Variants in ERMAP observed in about 807,000 individuals in gnomAD.
The protein encoded by ERMAP is erythroid membrane-associated protein.
ERMAP carries 34 observed loss-of-function variants against 49.5 expected under a neutral mutation model. The ratio of observed to expected loss-of-function variants is 0.69; its 90% CI spans 0.52 to 0.91. ERMAP has a LOEUF of 0.91. ERMAP is among the 40% of genes least tolerant of loss of function. ERMAP has a pLI of 0.00. For missense variants in ERMAP, 541 were observed against 582.6 expected, an observed-to-expected ratio of 0.93 and a Z score of 0.74; for synonymous variants, 214 against 232.2, an observed-to-expected ratio of 0.92 and a Z score of 0.71.
At chr1:42,839,186 G>C (rs1192475222) in intron 8 of ERMAP, 4 of 562,748 alleles carry the variant, frequency 7.1e-6, no homozygotes, top group Non-Finnish European at 1.3e-5. Context: ...GAAGCCATCT[G>C]GAAGTCCCTT....
At chr1:42,823,775 A>G (rs1475438237) in intron 1 of ERMAP, among the ~76,000 whole-genome samples, 2 of 152,236 alleles carry the variant, frequency 1.3e-5, no homozygotes. Flanking sequence ...AAAGATGTGT[A>G]TCTAAGAGTT....
In ERMAP at chr1:42,830,475, C is replaced by G. The variant is rs1433570676; in HGVS notation, c.27C>G (p.Ser9=). ...TGGAGATGGCGAGTTCTGCTGGCTC[C>G]TGGCTCTCTGGCTGCCTCATCCCTC... MEMASSAG[S]WLSGCLIPLV... is the part of the protein sequence containing the mutation. Residue 9 remains serine (S), a synonymous_variant, in exon 3 of 12, where the codon TCC becomes TCG. Coordinates refer to ENST00000372517, the MANE Select transcript of ERMAP (RefSeq NM_001017922.2). The G allele has an allele frequency of 6.2e-7, 1 of 1,614,214 alleles. No individual in the cohort carries two copies. Among genetic ancestry groups the G allele is most frequent in the Non-Finnish European group, 8.5e-7 (1 of 1,180,030 alleles).
rs148797090 is a variant in ERMAP at position 42,818,294 on chromosome 1, T to C, written c.-122+1041T>C. On this transcript the variant is annotated intron_variant, in intron 1 of 11. Coordinates refer to ENST00000372517, the MANE Select transcript of ERMAP (RefSeq NM_001017922.2). ...GAGCACAATGCCCCAAAAAGACAAA[T>C]ACTGCATGTTTCCATTCATATGAAG... Among the ~76,000 whole-genome samples the C allele has an allele frequency of 9.6e-3, 1,466 of 152,188 alleles. 14 individuals carry two copies. The highest frequency in any genetic ancestry group is 0.014 in the Non-Finnish European group (981 of 67,994).
rs761433098 is a variant in ERMAP, at chr1:42,842,586, G to T, written c.782G>T (p.Arg261Met). Residue 261 changes from arginine to methionine, a missense_variant, in exon 12 of 12, where the codon AGG becomes ATG. Transcript: ENST00000372517. The stretch of plus-strand genomic sequence containing the variant: ...CTTTCTGAGGACCAAAGATGTGTAA[G>T]GCTTGGAGACAGACGGCAGCCTGTA... ...LILSEDQRCV[R>M]LGDRRQPVPD... 1 of 1,614,198 alleles carries T rather than the reference G, an allele frequency of 6.2e-7. No individual in the cohort carries two copies. The highest frequency in any genetic ancestry group is 1.7e-5 in the Admixed American group (1 of 60,024).
chr1:42,829,170 G>A (rs1654641037), intron 2 of ERMAP, among the ~76,000 whole-genome samples: 1 of 152,172 alleles, frequency 6.6e-6, no homozygotes. Flanking sequence ...CTAGTGCTAT[G>A]TTGTCATTTG....
At position 42,817,188 on chromosome 1, in the gene ERMAP, A is replaced by T. The variant is rs951472054; in HGVS notation, c.-187A>T. ...CCGACCAAGAGGCTTGGGAGTCTGT[A>T]CCTTTCCCGACCGGGCCACTGGAAG... On this transcript the variant is annotated 5_prime_UTR_variant, in exon 1 of 12. Coordinates refer to ENST00000372517, the MANE Select transcript of ERMAP (RefSeq NM_001017922.2). The T allele has an allele frequency of 6.4e-6, 8 of 1,249,464 alleles. No homozygotes were observed. The highest frequency in any genetic ancestry group is 8.2e-6 in the Non-Finnish European group (8 of 970,880). The allele number at this position is 1,249,464 out of a possible 1,614,324, so 77.4% of individuals were successfully genotyped here.
chr1:42,835,017 C>T lies in ERMAP; in HGVS notation c.434-21C>T, dbSNP rs758508663. The T allele has an allele frequency of 2.8e-5, 27 of 958,404 alleles. 1 individual carries two copies. Among genetic ancestry groups the T allele is most frequent in the South Asian group, 1.5e-4 (12 of 77,998 alleles). The allele number at this position is 958,404 out of a possible 1,614,324, so 59.4% of individuals were successfully genotyped here. ...TCTTAGACATCTCCCTGAGGTCAGT[C>T]GTTGGTGGTTTCTGTTTCAGCCCCA... On this transcript the variant is annotated intron_variant, in intron 4 of 11. Coordinates refer to ENST00000372517, the MANE Select transcript of ERMAP (RefSeq NM_001017922.2).
intron 4 of ERMAP, 96 bp downstream of exon 4, chr1:42,831,211 A>G: frequency 1.4e-6 from 2 of 1,412,604 alleles, no homozygotes; most frequent in South Asian, 2.8e-5. Flanking sequence ...CTTTTCTTTC[A>G]TCTGCAGTGT....
At chr1:42,834,279 T>G (rs1212373634) in intron 4 of ERMAP, among the ~76,000 whole-genome samples, 1 of 149,266 alleles carries the variant, frequency 6.7e-6, no homozygotes, top group African/African-American at 2.6e-5. Flanking sequence ...AGAAATTGCT[T>G]TGCCCCCGTG....
chr1:42,835,765 G>C lies in ERMAP; in HGVS notation c.583+1G>C, dbSNP rs371707071. ...CTCTATGAACATGTGACGGAGGTGG[G>C]TAAGTGTTCTTGGCTGGGGGGCAGG... On this transcript the variant is annotated splice_donor_variant, in intron 6 of 11. Transcript: ENST00000372517. LOFTEE classifies it high-confidence loss of function. 3.4e-5 allele frequency: 55 copies of C among 1,609,300 alleles called. No individual in the cohort carries two copies. The highest frequency in any genetic ancestry group is 4.6e-5 in the Non-Finnish European group (54 of 1,178,008).
In ERMAP at chr1:42,842,505, G is replaced by C; in HGVS notation, c.713-12G>C. The C allele has an allele frequency of 6.2e-7, 1 of 1,605,594 alleles. No homozygotes were observed. Among genetic ancestry groups the C allele is most frequent in the Non-Finnish European group, 8.5e-7 (1 of 1,175,362 alleles). Reference sequence around the variant, plus strand: ...ATACTTCCAAGCCTCACCTGTCTGTGTCTCTTTGCAGTGGCAGTGACCCTG... The same window carrying C: ...ATACTTCCAAGCCTCACCTGTCTGTCTCTCTTTGCAGTGGCAGTGACCCTG... On this transcript the variant is annotated splice_polypyrimidine_tract_variant and intron_variant, in intron 11 of 11. Transcript: ENST00000372517.
rs370086635 is a variant in ERMAP, at chr1:42,835,739, T to C, written c.558T>C (p.Leu186=). The part of the protein sequence containing the change: ...IWKQRRAKEK[L]LYEHVTEVDN... ...TTTCTCTCTCCCTTTTAGAAAAGCT[T>C]CTCTATGAACATGTGACGGAGGTGG... Residue 186 remains leucine, a synonymous_variant, in exon 6 of 12, where the codon CTT becomes CTC. Coordinates refer to ENST00000372517, the MANE Select transcript of ERMAP (RefSeq NM_001017922.2). The C allele has an allele frequency of 6.2e-7, 1 of 1,611,044 alleles. No individual in the cohort carries two copies. The highest frequency in any genetic ancestry group is 8.5e-7 in the Non-Finnish European group (1 of 1,178,728).
chr1:42,817,286 A>T, intron 1 of ERMAP, 33 bp downstream of exon 1: 1 of 1,215,682 alleles, frequency 8.2e-7, no homozygotes, highest in African/African-American at 1.6e-5. Flanking sequence ...CACTGGACCC[A>T]GCGCTGCCTG....
chr1:42,838,258 C>T (rs1654959016), intron 7 of ERMAP, among the ~76,000 whole-genome samples: 3 of 152,168 alleles, frequency 2.0e-5, no homozygotes, highest in Non-Finnish European at 4.4e-5. Flanking sequence ...CTGCATTGCT[C>T]CAATGCCTAA....
rs1654688847 is a variant in ERMAP at position 42,830,506 on chromosome 1, T to TTCC, written c.62_64dup (p.Leu21dup). 2.5e-6 allele frequency: 4 copies of TTCC among 1,614,160 alleles called. No homozygotes were observed. The highest frequency in any genetic ancestry group is 3.4e-6 in the Non-Finnish European group (4 of 1,180,000). On this transcript the variant is annotated inframe_insertion, in exon 3 of 12. Coordinates refer to ENST00000372517, the MANE Select transcript of ERMAP (RefSeq NM_001017922.2). ...CTCTGGCTGCCTCATCCCTCTCGTC[T>TTCC]TCCTCCGGCTGTCTGTGCATGTGTC... is the stretch of plus-strand genomic sequence containing the variant.
intron 1 of ERMAP, among the ~76,000 whole-genome samples, chr1:42,817,998 G>C (rs1049809364): frequency 6.6e-6 from 1 of 152,250 alleles, no homozygotes; most frequent in Non-Finnish European, 1.5e-5. Context: ...GCATTGAAAA[G>C]TTAAGTGAGT....
Position 42,838,925 on chromosome 1 carries a change from A to C in ERMAP, c.637+4A>C. The C allele has an allele frequency of 6.2e-7, 1 of 1,614,124 alleles. No individual in the cohort carries two copies. Among genetic ancestry groups the C allele is most frequent in the East Asian group, 2.2e-5 (1 of 44,882 alleles). ...GGAAAACTCCATAAAGCTGTCAGTA[A>C]GTTTTGCTCCTCATCCATGGCACAA... On this transcript the variant is annotated splice_donor_region_variant and intron_variant, in intron 8 of 11. Coordinates refer to ENST00000372517, the MANE Select transcript of ERMAP (RefSeq NM_001017922.2).
In ERMAP at chr1:42,822,503, C is replaced by T. The variant is rs1214472267; in HGVS notation, c.-121-3120C>T. Reference sequence around the variant, plus strand: ...CCAGCCCTAATTAATTTTTAATTGACACATATGGTACATATTTATGGGGTA... The same window carrying T: ...CCAGCCCTAATTAATTTTTAATTGATACATATGGTACATATTTATGGGGTA... On this transcript the variant is annotated intron_variant, in intron 1 of 11. Transcript: ENST00000372517. Among the ~76,000 whole-genome samples, 3 of 152,258 alleles carry T rather than the reference C, an allele frequency of 2.0e-5. No individual in the cohort carries two copies. The South Asian group carries it at 6.2e-4, about 32-fold the overall frequency.
At chr1:42,830,705 C>T (rs1186264384) in intron 3 of ERMAP, 63 bp from the exon 4 acceptor site, 3 of 1,458,598 alleles carry the variant, frequency 2.1e-6, no homozygotes, top group African/African-American at 2.8e-5. Context: ...TCCTCTTCCT[C>T]ATCCCTTCCC....
Sources: gnomAD v4.1 joint callset for allele counts (sites outside exome capture counted in the v4.1 genomes callset) on GRCh38, gnomAD v4.1.1 for gene constraint, MANE v1.5 for transcripts, NCBI Gene and HGNC (gene_info 2026-07-23, HGNC 2026-07-21) for gene names.